The following CEP152 variants were observed in gnomAD, a reference collection of about 807,000 sequenced individuals.
CEP152 encodes centrosomal protein of 152 kDa.
In CEP152, 132 loss-of-function variants were observed where a neutral mutation model predicts 188.9. The observed-to-expected ratio is 0.70, with a 90% CI of 0.61 to 0.81. The LOEUF is 0.81. Ranked by LOEUF, CEP152 falls within the 30% of genes least tolerant of loss-of-function variation. CEP152 has a pLI of 0.00. For missense variants in CEP152, 1,914 were observed against 1,969.8 expected, an observed-to-expected ratio of 0.97 and a Z score of 0.54; for synonymous variants, 649 against 666.6, an observed-to-expected ratio of 0.97 and a Z score of 0.41.
intron 10 of CEP152, among the ~76,000 whole-genome samples, chr15:48,782,531 A>T (rs780797240): frequency 6.6e-6 from 1 of 152,142 alleles, no homozygotes; most frequent in Non-Finnish European, 1.5e-5. Flanking sequence ...GTCCTTTAAT[A>T]GGAGCGTAAC....
chr15:48,773,670 T>G (rs952611781), intron 12 of CEP152: 3 of 152,232 alleles, frequency 2.0e-5, no homozygotes, highest in Admixed American at 1.3e-4. Flanking sequence ...GACTTCCTAA[T>G]TTAAAGGGCA....
At chr15:48,760,412 C>A in intron 18 of CEP152, 146 bp from the exon 19 acceptor site, 1 of 917,776 alleles carries the variant, frequency 1.1e-6, no homozygotes, top group Non-Finnish European at 1.7e-6. Context: ...CCCTACCTAT[C>A]CCAAACAGTG....
chr15:48,745,710 G>C (rs1238929935), intron 22 of CEP152, among the ~76,000 whole-genome samples: 1 of 152,114 alleles, frequency 6.6e-6, no homozygotes, highest in African/African-American at 2.4e-5. Context: ...CTTTTAAAAA[G>C]AGGATGAGGA....
chr15:48,742,340 A>C (rs1482098588), intron 24 of CEP152, among the ~76,000 whole-genome samples: 1 of 152,234 alleles, frequency 6.6e-6, no homozygotes, highest in Non-Finnish European at 1.5e-5. Context: ...GTAAGGAAAC[A>C]TGGCATATTC....
intron 11 of CEP152, among the ~76,000 whole-genome samples, chr15:48,781,744 G>A (rs1014063708): frequency 6.6e-6 from 1 of 152,146 alleles, no homozygotes; most frequent in African/African-American, 2.4e-5. Flanking sequence ...AAAGGTGGAG[G>A]TAATAATGGA....
At chr15:48,735,815 T>A (rs185717807), downstream of CEP152, among the ~76,000 whole-genome samples, 1 of 152,014 alleles carries the variant, frequency 6.6e-6, no homozygotes, top group African/African-American at 2.4e-5. Context: ...GAAAAATCAA[T>A]GAAATTGGCA....
chr15:48,782,277 A>G, intron 10 of CEP152, 47 bp from the exon 11 acceptor site: 4 of 1,521,584 alleles, frequency 2.6e-6, no homozygotes, highest in Non-Finnish European at 3.6e-6. Context: ...TTAAGGGGAC[A>G]AAGTGCTTAT....
intron 20 of CEP152, among the ~76,000 whole-genome samples, chr15:48,754,060 C>T (rs2140654437): frequency 6.6e-6 from 1 of 152,290 alleles, no homozygotes; most frequent in East Asian, 1.9e-4. Context: ...ATAATCATAG[C>T]TTTACCTCAA....
chr15:48,750,528 A>G (rs1351065526), intron 21 of CEP152, among the ~76,000 whole-genome samples: 1 of 152,160 alleles, frequency 6.6e-6, no homozygotes, highest in African/African-American at 2.4e-5. Context: ...GAAACATCAC[A>G]ATGGTACCAT....
intron 25 of CEP152, 76 bp downstream of exon 25, chr15:48,741,871 G>A: frequency 6.2e-7 from 1 of 1,612,988 alleles, no homozygotes. Context: ...TTAATTTAGT[G>A]GTTAAGGAAA....
rs567347544 is a variant in CEP152, at chr15:48,769,826, CT to C, written c.1783-746del. Among the ~76,000 whole-genome samples the C allele has an allele frequency of 3.3e-3, 505 of 152,312 alleles. 3 individuals carry two copies. Among genetic ancestry groups the C allele is most frequent in the African/African-American group, 0.012 (490 of 41,570 alleles). On this transcript the variant is annotated intron_variant, in intron 13 of 26. Coordinates refer to ENST00000380950, the MANE Select transcript of CEP152 (RefSeq NM_001194998.2). ...TACAATTTTTAAGACTCATGATAGACTTTGGCGAATTGCCTTCCAGAAATGT... is the reference window on the plus strand; with the variant it reads ...TACAATTTTTAAGACTCATGATAGACTTGGCGAATTGCCTTCCAGAAATGT...
In CEP152 at chr15:48,738,060, A is replaced by T. The variant is rs1595579483; in HGVS notation, c.*189T>A. On this transcript the variant is annotated 3_prime_UTR_variant, in exon 27 of 27. Coordinates refer to ENST00000380950, the MANE Select transcript of CEP152 (RefSeq NM_001194998.2). ...CCACACAAAAGCAGATTATACATACACCATCAGGCCTTTGGAATATTAAGG... is the reference window on the plus strand; with the variant it reads ...CCACACAAAAGCAGATTATACATACTCCATCAGGCCTTTGGAATATTAAGG... The T allele has an allele frequency of 1.6e-6, 1 of 642,168 alleles. No homozygotes were observed. Among genetic ancestry groups the T allele is most frequent in the Non-Finnish European group, 2.6e-6 (1 of 388,582 alleles). The allele number at this position is 642,168 out of a possible 1,614,324, so 39.8% of individuals were successfully genotyped here.
rs199863302 is a variant in CEP152 at position 48,738,424 on chromosome 15, C to T, written c.4958G>A (p.Ser1653Asn). ...ETTYLEPGKISVNCGHPSRHK... is the reference protein window; with the variant it reads ...ETTYLEPGKINVNCGHPSRHK... ...ACGAGATGGGTGTCCACAATTCACA[C>T]TGATCTTTCCTGGCTCCAAATACGT... The change falls in exon 27 of 27, where the codon AGT (serine) becomes AAT (asparagine). Residue 1653 changes from serine (S) to asparagine (N), a missense_variant. Coordinates refer to ENST00000380950, the MANE Select transcript of CEP152 (RefSeq NM_001194998.2). The T allele has an allele frequency of 5.0e-6, 8 of 1,614,090 alleles. No homozygotes were observed. In the East Asian group the frequency reaches 1.8e-4, roughly 36 times the overall value.
intron 10 of CEP152, among the ~76,000 whole-genome samples, chr15:48,782,690 G>T (rs1325553165): frequency 6.6e-6 from 1 of 152,046 alleles, no homozygotes; most frequent in Non-Finnish European, 1.5e-5. Context: ...AGTGTATTAG[G>T]GTTATAATTC....
In CEP152 at chr15:48,748,473, T is replaced by A; in HGVS notation, c.3604A>T (p.Lys1202Ter). The change falls in exon 22 of 27, where the codon AAG becomes TAG. Residue 1202 changes from lysine to a stop codon, truncating the protein, a stop_gained. Coordinates refer to ENST00000380950, the MANE Select transcript of CEP152 (RefSeq NM_001194998.2). LOFTEE classifies it high-confidence loss of function. The stretch of plus-strand genomic sequence containing the variant: ...ATTTTTTCCACTACAGCTTTGTGCT[T>A]CCTTTCTAAATGCTGAAGATGCCTA... ...CCRHLQHLER[K>*]HKAVVEKIGE... 1 of 1,534,426 alleles carries A rather than the reference T, an allele frequency of 6.5e-7. No homozygotes were observed. Among genetic ancestry groups the A allele is most frequent in the South Asian group, 1.2e-5 (1 of 83,660 alleles).
intron 6 of CEP152, among the ~76,000 whole-genome samples, chr15:48,793,930 C>G (rs1441109815): frequency 6.6e-6 from 1 of 152,118 alleles, no homozygotes; most frequent in Non-Finnish European, 1.5e-5. Flanking sequence ...AAGAAAATTT[C>G]TAGACAGCCT....
rs190399154 is a variant in CEP152, at chr15:48,804,463, A to G, written c.87+1100T>C. 1.9e-3 allele frequency among the ~76,000 whole-genome samples: 283 copies of G among 152,352 alleles called. 4 individuals carry two copies. The highest frequency in any genetic ancestry group is 6.4e-3 in the African/African-American group (267 of 41,582). ...ATTAAAAAAGACTTTTTTACATGTT[A>G]GAAAATGGGTCATATAAAAAATAGC... On this transcript the variant is annotated intron_variant, in intron 2 of 26. Transcript: ENST00000380950.
intron 14 of CEP152, 67 bp from the exon 15 acceptor site, chr15:48,768,395 CTTA>C: frequency 1.2e-6 from 1 of 868,052 alleles, no homozygotes; most frequent in Non-Finnish European, 1.9e-6. Context: ...TTGATTTTGT[CTTA>C]TTTTTTAATA....
intron 2 of CEP152, among the ~76,000 whole-genome samples, chr15:48,803,738 T>TA (rs1423405911): frequency 6.6e-6 from 1 of 152,190 alleles, no homozygotes; most frequent in African/African-American, 2.4e-5. Flanking sequence ...CCTTAACTAG[T>TA]ATCCCCTCTA....
Sources: allele counts gnomAD v4.1 joint callset (sites outside exome capture counted in the v4.1 genomes callset), GRCh38; gene constraint gnomAD v4.1.1; transcripts MANE v1.5; gene names NCBI Gene and HGNC (gene_info 2026-07-23, HGNC 2026-07-21).